DNAH11: variants seen among roughly 807,000 people sequenced by gnomAD.
DNAH11 encodes the protein axonemal beta dynein heavy chain 11.
DNAH11 carries 442 observed loss-of-function variants against 526.0 expected under a neutral mutation model. The observed-to-expected ratio is 0.84, with a 90% CI of 0.78 to 0.91. The LOEUF (loss-of-function observed/expected upper bound fraction) is 0.91, where lower values mean the gene tolerates loss of function less well. DNAH11 is among the 40% of genes least tolerant of loss of function. The pLI is 0.00. For synonymous variants in DNAH11, 2,461 were observed against 1,935.9 expected, an observed-to-expected ratio of 1.27 and a Z score of -7.12; for missense variants, 6,989 against 5,448.7, an observed-to-expected ratio of 1.28 and a Z score of -8.90.
In DNAH11 at chr7:21,600,750, CAA is replaced by C; in HGVS notation, c.3077_3078del (p.Lys1026SerfsTer18). 6.2e-7 allele frequency: 1 copy of C among 1,613,830 alleles called. No individual in the cohort carries two copies. The highest frequency in any genetic ancestry group is 8.5e-7 in the Non-Finnish European group (1 of 1,179,838). On this transcript the variant is annotated frameshift_variant, in exon 16 of 82. Transcript: ENST00000409508. LOFTEE classifies it high-confidence loss of function. The stretch of plus-strand genomic sequence containing the variant: ...TGAACAGAGTGGTGAATGTCATCAA[CAA>C]AGTCTTAGATTTCAGAAACACCCTG... ...IMNRVVNVINKVLDFRNTLET... is the reference protein window; with the variant it reads ...IMNRVVNVINXVLDFRNTLET...
chr7:21,710,516 G>C (rs376112202), intron 40 of DNAH11, 37 bp from the exon 41 acceptor site: 1 of 1,526,316 alleles, frequency 6.6e-7, no homozygotes, highest in Non-Finnish European at 8.9e-7. Flanking sequence ...TCAATCTATC[G>C]TAGAAATAAA....
chr7:21,859,643 G>A (rs1782979999), intron 68 of DNAH11, among the ~76,000 whole-genome samples: 1 of 151,988 alleles, frequency 6.6e-6, no homozygotes, highest in Admixed American at 6.5e-5. Context: ...ACTTCAAGGT[G>A]AATTAATCTG....
At position 21,894,915 on chromosome 7, in the gene DNAH11, C is replaced by A; in HGVS notation, c.12965C>A (p.Ala4322Asp). The A allele has an allele frequency of 1.2e-6, 2 of 1,613,992 alleles. No homozygotes were observed. Among genetic ancestry groups the A allele is most frequent in the Non-Finnish European group, 1.7e-6 (2 of 1,179,876 alleles). Residue 4322 changes from alanine to aspartate, a missense_variant, in exon 79 of 82, where the codon GCC (alanine) becomes GAC (aspartate). Coordinates refer to ENST00000409508, the MANE Select transcript of DNAH11 (RefSeq NM_001277115.2). ...TTGGCATTATCTCCTGCTGTGGAAG[C>A]CCAGCAGTTTGCATTGAGTTATGAC... The part of the protein sequence containing the change: ...GELALSPAVE[A>D]QQFALSYDTV...
At chr7:21,840,292 A>C (rs989107187) in intron 65 of DNAH11, among the ~76,000 whole-genome samples, 1 of 152,260 alleles carries the variant, frequency 6.6e-6, no homozygotes, top group Admixed American at 6.5e-5. Context: ...GTGAAATAAC[A>C]TCTCACCTGG....
At chr7:21,730,081 A>G (rs2158871) in intron 45 of DNAH11, among the ~76,000 whole-genome samples, 99,015 of 152,070 alleles carry the variant, frequency 0.65, 32,680 homozygotes, top group South Asian at 0.73. Flanking sequence ...AGGTTCCTCA[A>G]ATTAAAAATT....
intron 9 of DNAH11, among the ~76,000 whole-genome samples, chr7:21,584,434 G>T (rs574183226): frequency 6.6e-5 from 10 of 152,250 alleles, no homozygotes; most frequent in South Asian, 2.1e-4. Context: ...GTCAGGGAGT[G>T]GGGGGCTAGG....
At chr7:21,602,891 G>A (rs554025826) in intron 18 of DNAH11, among the ~76,000 whole-genome samples, 2 of 152,000 alleles carry the variant, frequency 1.3e-5, no homozygotes, top group Non-Finnish European at 2.9e-5. Context: ...GAGGTGAAAT[G>A]TACTATTCGG....
intron 65 of DNAH11, among the ~76,000 whole-genome samples, chr7:21,838,618 A>AT (rs1333971114): frequency 1.8e-4 from 27 of 152,202 alleles, no homozygotes; most frequent in African/African-American, 5.8e-4. Flanking sequence ...GTGTCGTAGC[A>AT]TGTATCAATA....
intron 66 of DNAH11, among the ~76,000 whole-genome samples, chr7:21,843,279 T>C (rs1250694637): frequency 6.6e-6 from 1 of 151,746 alleles, no homozygotes; most frequent in Admixed American, 6.6e-5. Flanking sequence ...AATCAGAAAA[T>C]ACTGACATAG....
intron 28 of DNAH11, among the ~76,000 whole-genome samples, chr7:21,650,401 T>G (rs1330125134): frequency 6.6e-6 from 1 of 152,136 alleles, no homozygotes; most frequent in Non-Finnish European, 1.5e-5. Context: ...TACTATAGTT[T>G]TTTAAATGTG....
At chr7:21,574,730 AT>A (rs1205493093) in intron 8 of DNAH11, among the ~76,000 whole-genome samples, 1 of 150,108 alleles carries the variant, frequency 6.7e-6, no homozygotes, top group African/African-American at 2.5e-5. Flanking sequence ...CGCCCAGGTA[AT>A]TTTTTTGTAC....
intron 39 of DNAH11, among the ~76,000 whole-genome samples, chr7:21,705,821 G>C (rs1287683053): frequency 6.6e-6 from 1 of 152,168 alleles, no homozygotes; most frequent in Non-Finnish European, 1.5e-5. Context: ...TTCAGTATCA[G>C]ATGCAGGCAT....
chr7:21,613,009 ACT>A (rs1384964437), intron 20 of DNAH11, among the ~76,000 whole-genome samples: 1 of 152,192 alleles, frequency 6.6e-6, no homozygotes, highest in Admixed American at 6.5e-5. Context: ...AAGAATGAAA[ACT>A]CTACGTAAAA....
chr7:21,609,721 TAAAAC>T (rs926243977), intron 20 of DNAH11, among the ~76,000 whole-genome samples: 12 of 152,124 alleles, frequency 7.9e-5, no homozygotes, highest in African/African-American at 2.4e-4. Context: ...CACAAGAACA[TAAAAC>T]AAATCTCTAA....
chr7:21,547,269 T>C (rs1158168895), intron 2 of DNAH11, among the ~76,000 whole-genome samples: 1 of 152,234 alleles, frequency 6.6e-6, no homozygotes, highest in Non-Finnish European at 1.5e-5. Context: ...CCACAGCTCA[T>C]GACACAGACA....
chr7:21,885,734 C>T (rs1049768639), intron 76 of DNAH11, among the ~76,000 whole-genome samples: 4 of 152,052 alleles, frequency 2.6e-5, no homozygotes, highest in African/African-American at 9.7e-5. Flanking sequence ...TCAATATGTA[C>T]AATTATTATG....
At chr7:21,873,784 CTT>C (rs57333575) in intron 74 of DNAH11, among the ~76,000 whole-genome samples, 38 of 70,710 alleles carry the variant, frequency 5.4e-4, no homozygotes, top group African/African-American at 2.3e-3. Flanking sequence ...GAGGAGGTTG[CTT>C]TTTTTTTTTT....
chr7:21,686,324 T>C (rs969754193), intron 32 of DNAH11, among the ~76,000 whole-genome samples: 1 of 152,200 alleles, frequency 6.6e-6, no homozygotes, highest in African/African-American at 2.4e-5. Flanking sequence ...TCTCCTGACC[T>C]CCATGTGTAT....
At chr7:21,788,675 T>C (rs1184514401) in intron 60 of DNAH11, among the ~76,000 whole-genome samples, 1 of 152,134 alleles carries the variant, frequency 6.6e-6, no homozygotes. Context: ...AAAGTGACAA[T>C]GTGGTTGATG....
Sources: allele counts gnomAD v4.1 joint callset (sites outside exome capture counted in the v4.1 genomes callset), GRCh38; gene constraint gnomAD v4.1.1; transcripts MANE v1.5; gene names NCBI Gene and HGNC (gene_info 2026-07-23, HGNC 2026-07-21).